IL1RN: variants seen among roughly 807,000 people sequenced by gnomAD.
The protein encoded by IL1RN is interleukin-1 receptor antagonist protein.
A neutral mutation model predicts 13.7 loss-of-function variants in IL1RN; 10 were observed. The ratio of observed to expected loss-of-function variants is 0.73; its 90% CI spans 0.45 to 1.24. IL1RN has a LOEUF of 1.24. Among genes scored for constraint, IL1RN ranks in the 50% most tolerant of loss-of-function variants. IL1RN has a pLI of 0.00. For missense variants in IL1RN, 213 were observed against 222.1 expected, an observed-to-expected ratio of 0.96 and a Z score of 0.26; for synonymous variants, 102 against 82.7, an observed-to-expected ratio of 1.23 and a Z score of -1.27.
At chr2:113,117,283 C>T (rs1011939835), upstream of IL1RN, among the ~76,000 whole-genome samples, 155 of 152,286 alleles carry the variant, frequency 1.0e-3, 1 homozygote, top group Non-Finnish European at 1.5e-3. Context: ...ATGGCTTCCA[C>T]GTAGTGCTCA....
upstream of IL1RN, among the ~76,000 whole-genome samples, chr2:113,105,427 A>C (rs1686373202): frequency 6.6e-6 from 1 of 152,210 alleles, no homozygotes; most frequent in Admixed American, 6.5e-5. Context: ...AAGATGTATC[A>C]GGGTAAATTT....
Position 113,127,615 on chromosome 2 carries a change from C to T in IL1RN, c.-10C>T. 6.2e-7 allele frequency: 1 copy of T among 1,613,634 alleles called. No individual in the cohort carries two copies. Among genetic ancestry groups the T allele is most frequent in the Non-Finnish European group, 8.5e-7 (1 of 1,179,836 alleles). On this transcript the variant is annotated 5_prime_UTR_variant, in exon 1 of 4. Transcript: ENST00000409930. Reference sequence around the variant, plus strand: ...GCAATGGCAGTCCACTGCCTTGCTGCAGTCACAGAATGGAAATCTGCAGAG... The same window carrying T: ...GCAATGGCAGTCCACTGCCTTGCTGTAGTCACAGAATGGAAATCTGCAGAG...
intron 1 of IL1RN, among the ~76,000 whole-genome samples, chr2:113,119,331 A>G (rs769232545): frequency 1.5e-4 from 23 of 152,226 alleles, no homozygotes; most frequent in Non-Finnish European, 2.8e-4. Flanking sequence ...TTTTCAGAAG[A>G]GGAAATGGAT....
Position 113,132,938 on chromosome 2 carries a change from C to A in IL1RN, c.*67C>A, listed in dbSNP as rs4252025. ...ACTGCAGGGACTGCCAGTCCCCCTG[C>A]CCCAGGGCTCCCGGCTATGGGGGCA... On this transcript the variant is annotated 3_prime_UTR_variant, in exon 4 of 4. Coordinates refer to ENST00000409930, the MANE Select transcript of IL1RN (RefSeq NM_173842.3). 2.0e-6 allele frequency: 3 copies of A among 1,483,574 alleles called. No homozygotes were observed. The highest frequency in any genetic ancestry group is 2.8e-6 in the Non-Finnish European group (3 of 1,062,376). The allele number at this position is 1,483,574 out of a possible 1,614,324, so 91.9% of individuals were successfully genotyped here. A position where few individuals can be genotyped will look rare whatever the true frequency, so the allele number is the denominator to read the frequency against.
chr2:113,133,001 C>T lies in IL1RN; in HGVS notation c.*130C>T, dbSNP rs541642811. On this transcript the variant is annotated 3_prime_UTR_variant, in exon 4 of 4. Coordinates refer to ENST00000409930, the MANE Select transcript of IL1RN (RefSeq NM_173842.3). ...CATTGAGGGGTGGACCCTCAGAAGG[C>T]GTCACAACAACCTGGTCACAGGACT... is the stretch of plus-strand genomic sequence containing the variant. 3.0e-4 allele frequency: 257 copies of T among 850,826 alleles called. 4 individuals carry two copies. In the South Asian group the frequency reaches 3.4e-3, roughly 11 times the overall value. The allele number at this position is 850,826 out of a possible 1,614,324, so 52.7% of individuals were successfully genotyped here.
At position 113,118,157 on chromosome 2, in the gene IL1RN, C is replaced by T. The variant is rs996653637; in HGVS notation, c.10+129C>T. Reference sequence around the variant, plus strand: ...AGGAAAATGTCAAGCGCATGGAGCTCCAGGCCTGTCTGGGGGATCTGGGCA... The same window carrying T: ...AGGAAAATGTCAAGCGCATGGAGCTTCAGGCCTGTCTGGGGGATCTGGGCA... On this transcript the variant is annotated intron_variant, in intron 1 of 5. Transcript: ENST00000259206. 14 of 1,438,314 alleles carry T rather than the reference C, an allele frequency of 9.7e-6. No homozygotes were observed. The African/African-American group carries it at 1.1e-4, about 11-fold the overall frequency. The allele number at this position is 1,438,314 out of a possible 1,614,324, so 89.1% of individuals were successfully genotyped here. A position where few individuals can be genotyped will look rare whatever the true frequency, so the allele number is the denominator to read the frequency against.
upstream of IL1RN, among the ~76,000 whole-genome samples, chr2:113,110,805 C>G: frequency 6.6e-6 from 1 of 152,230 alleles, no homozygotes; most frequent in Non-Finnish European, 1.5e-5. Flanking sequence ...TAACTCCTTT[C>G]TATCCCACTG....
At chr2:113,130,126 C>T (rs140877381) in intron 2 of IL1RN, 2 of 185,008 alleles carry the variant, frequency 1.1e-5, no homozygotes, top group Non-Finnish European at 2.3e-5. Flanking sequence ...CTTGAAGAAG[C>T]TTCACCCACT....
chr2:113,132,934 C>G lies in IL1RN; in HGVS notation c.*63C>G. ...AAGGACTGCAGGGACTGCCAGTCCC[C>G]CTGCCCCAGGGCTCCCGGCTATGGG... On this transcript the variant is annotated 3_prime_UTR_variant, in exon 4 of 4. Coordinates refer to ENST00000409930, the MANE Select transcript of IL1RN (RefSeq NM_173842.3). 1 of 1,512,700 alleles carries G rather than the reference C, an allele frequency of 6.6e-7. No homozygotes were observed. The highest frequency in any genetic ancestry group is 1.1e-5 in the South Asian group (1 of 88,822). The allele number at this position is 1,512,700 out of a possible 1,614,324, so 93.7% of individuals were successfully genotyped here.
At chr2:113,123,330 C>G (rs1686844844), upstream of IL1RN, among the ~76,000 whole-genome samples, 1 of 152,210 alleles carries the variant, frequency 6.6e-6, no homozygotes, top group Admixed American at 6.5e-5. Context: ...GTGCCCTTTA[C>G]TCCTGGGGAC....
chr2:113,116,945 C>G (rs995650656), upstream of IL1RN, among the ~76,000 whole-genome samples: 3 of 152,124 alleles, frequency 2.0e-5, no homozygotes, highest in African/African-American at 7.2e-5. Flanking sequence ...GTGGTGTGCC[C>G]ACACACACAC....
the IL1RN span, among the ~76,000 whole-genome samples, chr2:113,101,980 T>A: frequency 1.2e-4 from 19 of 152,144 alleles, no homozygotes; most frequent in Admixed American, 3.9e-4. Context: ...TTGGTCAGGC[T>A]GGTCTCGAAC....
chr2:113,105,211 C>T (rs974047653), upstream of IL1RN, among the ~76,000 whole-genome samples: 1 of 152,092 alleles, frequency 6.6e-6, no homozygotes, highest in Admixed American at 6.5e-5. Flanking sequence ...AGAGTGAGTA[C>T]TAGACTGATG....
chr2:113,126,210 G>A (rs1440584923), upstream of IL1RN, among the ~76,000 whole-genome samples: 3 of 152,200 alleles, frequency 2.0e-5, no homozygotes, highest in Non-Finnish European at 4.4e-5. Flanking sequence ...AGGGGGTGAT[G>A]TATATTAACC....
At chr2:113,124,919 G>A (rs776920534), upstream of IL1RN, among the ~76,000 whole-genome samples, 4 of 152,226 alleles carry the variant, frequency 2.6e-5, no homozygotes, top group East Asian at 1.9e-4. Context: ...CAGGAGCCCC[G>A]AGCGTCTTTT....
intron 1 of IL1RN, 38 bp from the exon 2 acceptor site, chr2:113,129,538 G>A (rs774843535): frequency 1.0e-5 from 13 of 1,292,766 alleles, no homozygotes; most frequent in Middle Eastern, 1.8e-4. Flanking sequence ...TGGGCACATG[G>A]TGGCTGTGCA....
chr2:113,110,437 A>G (rs1458901839), upstream of IL1RN, among the ~76,000 whole-genome samples: 1 of 152,188 alleles, frequency 6.6e-6, no homozygotes, highest in African/African-American at 2.4e-5. Flanking sequence ...TCCCAAAATT[A>G]AAGAGGTACG....
Position 113,131,045 on chromosome 2 carries a change from A to G in IL1RN, c.206A>G (p.Glu69Gly), listed in dbSNP as rs1230462167. ...YLQGPNVNLE[E>G]KIDVVPIEPH... Reference sequence around the variant, plus strand: ...GACCCTCCCCTCTGTTCTTCCCCAGAAAAGATAGATGTGGTACCCATTGAG... The same window carrying G: ...GACCCTCCCCTCTGTTCTTCCCCAGGAAAGATAGATGTGGTACCCATTGAG... The change falls in exon 3 of 4, where the codon GAA (glutamate) becomes GGA (glycine). Residue 69 changes from glutamate to glycine, a missense_variant and splice_region_variant. Transcript: ENST00000409930. 1 of 1,595,042 alleles carries G rather than the reference A, an allele frequency of 6.3e-7. No individual in the cohort carries two copies. The highest frequency in any genetic ancestry group is 8.6e-7 in the Non-Finnish European group (1 of 1,162,532).
the IL1RN span, among the ~76,000 whole-genome samples, chr2:113,102,177 G>T: frequency 7.6e-4 from 116 of 152,268 alleles, 2 homozygotes; most frequent in Non-Finnish European, 9.6e-4. Context: ...TCCCAGTTCT[G>T]GAGGCTGTGA....
Sources: allele counts gnomAD v4.1 joint callset (sites outside exome capture counted in the v4.1 genomes callset), GRCh38; gene constraint gnomAD v4.1.1; transcripts MANE v1.5; gene names NCBI Gene and HGNC (gene_info 2026-07-23, HGNC 2026-07-21).